AATK: variants seen among roughly 807,000 people sequenced by gnomAD.
The protein encoded by AATK is lemur tail kinase 1.
AATK carries 91 observed loss-of-function variants against 114.3 expected under a neutral mutation model. That is an observed-to-expected ratio of 0.80 (90% CI 0.67 to 0.95). AATK has a LOEUF of 0.95. Ranked by LOEUF, AATK falls within the 40% of genes least tolerant of loss-of-function variation. AATK has a pLI of 0.00. For synonymous variants in AATK, 1,075 were observed against 916.5 expected, an observed-to-expected ratio of 1.17 and a Z score of -3.12; for missense variants, 2,176 against 1,965.2, an observed-to-expected ratio of 1.11 and a Z score of -2.03.
At position 81,122,862 on chromosome 17, in the gene AATK, G is replaced by A. The variant is rs186161763; in HGVS notation, c.1113-39C>T. ...CCCCGGGGGCCACGTCAGAGGCAAC[G>A]CTGGCCAGGAACGCGTCCCTGGAGC... On this transcript the variant is annotated intron_variant, in intron 10 of 13. Transcript: ENST00000326724. 9 of 1,410,014 alleles carry A rather than the reference G, an allele frequency of 6.4e-6. No individual in the cohort carries two copies. In the African/African-American group the frequency reaches 1.2e-4, roughly 19 times the overall value. The allele number at this position is 1,410,014 out of a possible 1,614,324, so 87.3% of individuals were successfully genotyped here. A position where few individuals can be genotyped will look rare whatever the true frequency, so the allele number is the denominator to read the frequency against.
At chr17:81,129,310 G>A (rs1192867227) in intron 3 of AATK, among the ~76,000 whole-genome samples, 13 of 152,094 alleles carry the variant, frequency 8.5e-5, no homozygotes, top group Admixed American at 5.9e-4. Flanking sequence ...TGGGCCCACC[G>A]GGTGCTGTGT....
At chr17:81,156,554 C>A (rs1015828740) in intron 1 of AATK, among the ~76,000 whole-genome samples, 5 of 152,132 alleles carry the variant, frequency 3.3e-5, no homozygotes, top group Non-Finnish European at 7.4e-5. Flanking sequence ...CCAGCCACCA[C>A]ACCCGCCTAA....
At chr17:81,153,693 C>T in intron 1 of AATK, among the ~76,000 whole-genome samples, 1 of 152,192 alleles carries the variant, frequency 6.6e-6, no homozygotes. Context: ...CAATGGACCT[C>T]CCGTACCCCA....
chr17:81,132,957 T>C (rs1325920940), intron 2 of AATK: 2 of 277,210 alleles, frequency 7.2e-6, no homozygotes, highest in African/African-American at 4.6e-5. Context: ...GGGCCACTTA[T>C]ACAATAGCCC....
Position 81,121,673 on chromosome 17 carries a change from C to T in AATK, c.2263G>A (p.Ala755Thr). ...LPHLCSAQGL[A>T]PAPCLVTPSW... is the part of the protein sequence containing the mutation. ...GGTGTAACCAGGCAGGGAGCAGGTGCCAGGCCCTGGGCAGAGCATAGATGA... is the reference window on the plus strand; with the variant it reads ...GGTGTAACCAGGCAGGGAGCAGGTGTCAGGCCCTGGGCAGAGCATAGATGA... The change falls in exon 11 of 14, where the codon GCA becomes ACA. Residue 755 changes from alanine to threonine, a missense_variant. By Grantham distance (58) the Ala-to-Thr change is moderately conservative. Transcript: ENST00000326724. 2 of 1,499,500 alleles carry T rather than the reference C, an allele frequency of 1.3e-6. No homozygotes were observed. The highest frequency in any genetic ancestry group is 1.3e-5 in the South Asian group (1 of 77,280). 92.9% of individuals were successfully genotyped at this position (1,499,500 alleles called of 1,614,324 possible).
intron 1 of AATK, among the ~76,000 whole-genome samples, chr17:81,141,787 C>T (rs531218739): frequency 6.6e-6 from 1 of 152,224 alleles, no homozygotes; most frequent in Non-Finnish European, 1.5e-5. Context: ...GCTGTGCACA[C>T]GTGGCTGGAC....
chr17:81,127,266 G>GCCCC (rs546577921), intron 6 of AATK, among the ~76,000 whole-genome samples: 2 of 150,970 alleles, frequency 1.3e-5, no homozygotes, highest in African/African-American at 4.9e-5. Context: ...GTGGGCCAGT[G>GCCCC]CCCCCCCCCA....
In AATK at chr17:81,134,418, C is replaced by T. The variant is rs759787297; in HGVS notation, c.139G>A (p.Val47Ile). 20 of 1,613,244 alleles carry T rather than the reference C, an allele frequency of 1.2e-5. No homozygotes were observed. The highest frequency in any genetic ancestry group is 1.7e-4 in the Middle Eastern group (1 of 6,060). ...VSFSGLFAVI[V>I]LMLACLCCKK... Reference sequence around the variant, plus strand: ...CAGCACAGGCAGGCCAGCATGAGGACGATGACGGCGAAGAGCCCGGAGAAA... The same window carrying T: ...CAGCACAGGCAGGCCAGCATGAGGATGATGACGGCGAAGAGCCCGGAGAAA... Residue 47 changes from valine (V) to isoleucine (I), a missense_variant, in exon 2 of 14, where the codon GTC becomes ATC. By Grantham distance (29) the Val-to-Ile change is conservative. Transcript: ENST00000326724.
At chr17:81,138,930 G>T (rs1456657840) in intron 1 of AATK, among the ~76,000 whole-genome samples, 1 of 147,848 alleles carries the variant, frequency 6.8e-6, no homozygotes, top group Non-Finnish European at 1.5e-5. Flanking sequence ...TACCACACGT[G>T]TAGGCACACA....
chr17:81,137,317 C>T (rs1338812643), intron 1 of AATK, among the ~76,000 whole-genome samples: 4 of 151,996 alleles, frequency 2.6e-5, no homozygotes, highest in Non-Finnish European at 4.4e-5. Flanking sequence ...CACTGGGTCC[C>T]GTGGAAGCGA....
chr17:81,123,157 G>A (rs367932959), intron 10 of AATK, 37 bp downstream of exon 10: 63 of 1,405,070 alleles, frequency 4.5e-5, no homozygotes, highest in East Asian at 2.4e-4. Context: ...ACCCCATCTC[G>A]GCCTGGCTGT....
chr17:81,140,120 C>A (rs886605131), intron 1 of AATK, among the ~76,000 whole-genome samples: 3 of 152,188 alleles, frequency 2.0e-5, no homozygotes, highest in African/African-American at 7.2e-5. Context: ...TCAAGCAGTC[C>A]TCCCCGCCCA....
intron 1 of AATK, among the ~76,000 whole-genome samples, chr17:81,135,536 C>A (rs572616333): frequency 6.6e-6 from 1 of 152,310 alleles, no homozygotes; most frequent in East Asian, 1.9e-4. Flanking sequence ...CCCCTCAACA[C>A]CCCATCTCCT....
At chr17:81,118,820 C>T (rs1330902331) in intron 13 of AATK, among the ~76,000 whole-genome samples, 1 of 152,348 alleles carries the variant, frequency 6.6e-6, no homozygotes, top group East Asian at 1.9e-4. Flanking sequence ...CAGGCCAGGA[C>T]AGCTAGGGAA....
At chr17:81,138,391 A>G (rs577506015) in intron 1 of AATK, among the ~76,000 whole-genome samples, 2 of 148,610 alleles carry the variant, frequency 1.3e-5, no homozygotes, top group African/African-American at 5.0e-5. Flanking sequence ...GCACACGTGC[A>G]CACACACCCC....
intron 1 of AATK, among the ~76,000 whole-genome samples, chr17:81,158,146 C>T (rs181239301): frequency 6.6e-6 from 1 of 152,344 alleles, no homozygotes; most frequent in East Asian, 1.9e-4. Context: ...GGCCGCCCGT[C>T]ACAGAAGGAA....
chr17:81,130,802 G>A (rs2060919313), intron 3 of AATK, among the ~76,000 whole-genome samples: 1 of 152,170 alleles, frequency 6.6e-6, no homozygotes, highest in South Asian at 2.1e-4. Context: ...GAGGCCGAGG[G>A]CTGTCCTGGA....
chr17:81,120,111 C>A (rs1232016134), intron 11 of AATK, 28 bp from the exon 12 acceptor site: 1 of 1,465,702 alleles, frequency 6.8e-7, no homozygotes, highest in South Asian at 1.4e-5. Flanking sequence ...CACCAGGTAG[C>A]TCGGCCGCCA....
At position 81,122,000 on chromosome 17, in the gene AATK, A is replaced by C; in HGVS notation, c.1936T>G (p.Ser646Ala). 5 of 1,601,784 alleles carry C rather than the reference A, an allele frequency of 3.1e-6. No individual in the cohort carries two copies. Among genetic ancestry groups the C allele is most frequent in the Non-Finnish European group, 4.2e-6 (5 of 1,179,140 alleles). The stretch of plus-strand genomic sequence containing the variant: ...GGCGCCCCTGAGCTCCCCAAAGGGG[A>C]CGTGCCCAGTGGGTCCTCGAAGAAG... The part of the protein sequence containing the change: ...PAFFEDPLGT[S>A]PLGSSGAPPL... The change falls in exon 11 of 14, where the codon TCC becomes GCC. Residue 646 changes from serine (S) to alanine (A), a missense_variant. Transcript: ENST00000326724.
Sources: allele counts gnomAD v4.1 joint callset (sites outside exome capture counted in the v4.1 genomes callset), GRCh38; gene constraint gnomAD v4.1.1; transcripts MANE v1.5; gene names NCBI Gene and HGNC (gene_info 2026-07-23, HGNC 2026-07-21).